Variants in ADCY9 observed in about 807,000 individuals in gnomAD.
ADCY9 encodes adenylate cyclase 9, also known as adenylate cyclase type 9.
In ADCY9, 50 loss-of-function variants were observed where a neutral mutation model predicts 101.5. That is an observed-to-expected ratio of 0.49 (90% CI 0.39 to 0.62). ADCY9 has a LOEUF of 0.62. ADCY9 is among the 20% of genes least tolerant of loss of function. The pLI, the probability that ADCY9 is intolerant of heterozygous loss-of-function variation, is 0.00. For missense variants in ADCY9, 1,662 were observed against 1,800.4 expected (o/e 0.92, Z 1.39); for synonymous variants, 905 against 769.3 (o/e 1.18, Z -2.92).
intron 5 of ADCY9, chr16:3,953,536 A>G (rs545524378): frequency 2.8e-4 from 43 of 152,282 alleles, no homozygotes; most frequent in African/African-American, 9.9e-4. Flanking sequence ...AGAAGATGGG[A>G]AAATGCGGAT....
chr16:4,035,006 A>C (rs901686018), intron 2 of ADCY9, among the ~76,000 whole-genome samples: 2 of 151,580 alleles, frequency 1.3e-5, no homozygotes, highest in African/African-American at 4.9e-5. Flanking sequence ...GTCACCGCCT[A>C]GTTTAAGTTT....
intron 2 of ADCY9, among the ~76,000 whole-genome samples, chr16:4,082,348 G>C (rs1290494567): frequency 1.3e-5 from 2 of 152,098 alleles, no homozygotes; most frequent in Admixed American, 6.6e-5. Context: ...CTGCACACCA[G>C]CCAGGGCAAC....
At chr16:4,097,549 A>ATTTTTTTTT (rs71394654) in intron 2 of ADCY9, among the ~76,000 whole-genome samples, 2 of 48,240 alleles carry the variant, frequency 4.1e-5, no homozygotes, top group Non-Finnish European at 7.3e-5. Context: ...ATATATATAT[A>ATTTTTTTTT]TATATTTTTT....
intron 2 of ADCY9, chr16:4,031,920 G>T (rs2056557835): frequency 6.6e-6 from 1 of 151,604 alleles, no homozygotes; most frequent in Non-Finnish European, 1.5e-5. Context: ...ATTAAAAGTT[G>T]GAGAAAAAAG....
intron 2 of ADCY9, among the ~76,000 whole-genome samples, chr16:4,044,847 C>T (rs748334800): frequency 5.3e-5 from 8 of 152,176 alleles, no homozygotes; most frequent in Non-Finnish European, 1.2e-4. Context: ...CTCTCCACCC[C>T]GCCTCTTTTG....
intron 5 of ADCY9, among the ~76,000 whole-genome samples, chr16:3,955,242 G>A (rs1377319475): frequency 2.0e-5 from 3 of 151,720 alleles, no homozygotes; most frequent in Admixed American, 6.6e-5. Flanking sequence ...AAAAGTAGTT[G>A]GACCAGGCGA....
chr16:3,954,888 C>G (rs2055899382), intron 5 of ADCY9, among the ~76,000 whole-genome samples: 1 of 152,164 alleles, frequency 6.6e-6, no homozygotes, highest in African/African-American at 2.4e-5. Flanking sequence ...GAGGTAGAGG[C>G]TGAGGGGGAC....
intron 2 of ADCY9, among the ~76,000 whole-genome samples, chr16:4,104,928 G>T (rs1397875152): frequency 6.6e-6 from 1 of 152,074 alleles, no homozygotes; most frequent in Non-Finnish European, 1.5e-5. Flanking sequence ...AATTAGCCGG[G>T]TGTGGTGGTG....
intron 2 of ADCY9, among the ~76,000 whole-genome samples, chr16:4,009,501 C>T (rs2056389341): frequency 6.6e-6 from 1 of 152,170 alleles, no homozygotes; most frequent in African/African-American, 2.4e-5. Flanking sequence ...AAGTGATCCG[C>T]CCATCTTGGC....
At chr16:3,956,192 A>C (rs901480585) in intron 5 of ADCY9, among the ~76,000 whole-genome samples, 1 of 152,114 alleles carries the variant, frequency 6.6e-6, no homozygotes, top group African/African-American at 2.4e-5. Context: ...GAGCAACTGC[A>C]CCCAGGCAAA....
At chr16:3,958,495 G>A (rs1439926759), downstream of ADCY9, among the ~76,000 whole-genome samples, 6 of 142,982 alleles carry the variant, frequency 4.2e-5, no homozygotes, top group African/African-American at 7.8e-5. Context: ...AGCCGAGATC[G>A]CGCCATTGCA....
chr16:4,113,131 T>G (rs2057124048), intron 2 of ADCY9, among the ~76,000 whole-genome samples: 1 of 150,942 alleles, frequency 6.6e-6, no homozygotes, highest in South Asian at 2.1e-4. Flanking sequence ...AAAATATCCT[T>G]AAACAAATGA....
At chr16:3,961,404 G>T (rs149266697), downstream of ADCY9, among the ~76,000 whole-genome samples, 3 of 151,620 alleles carry the variant, frequency 2.0e-5, no homozygotes, top group Non-Finnish European at 4.4e-5. Flanking sequence ...GAGCCCTGAT[G>T]GTCACTGCAC....
intron 2 of ADCY9, among the ~76,000 whole-genome samples, chr16:4,050,638 G>A (rs967511884): frequency 4.0e-5 from 6 of 148,486 alleles, no homozygotes; most frequent in East Asian, 2.0e-4. Context: ...TGCTTGAACC[G>A]GGAGGCAGAG....
chr16:3,955,606 C>T lies in ADCY9; in HGVS notation c.568-2090G>A, dbSNP rs558976883. ...TTGCCCAGGCTGGAGTGCAGTGGCG[C>T]GATCTCAGGGCTCACTGCAACCTCT... On this transcript the variant is annotated intron_variant, in intron 5 of 5. Transcript: ENST00000576936. 4.0e-5 allele frequency among the ~76,000 whole-genome samples: 6 copies of T among 149,046 alleles called. No individual in the cohort carries two copies. The East Asian group carries it at 8.2e-4, about 20-fold the overall frequency.
At position 4,004,251 on chromosome 16, in the gene ADCY9, TAAAA is replaced by T. The variant is rs71133681; in HGVS notation, c.1884+3113_1884+3116del. On this transcript the variant is annotated intron_variant, in intron 3 of 10. Coordinates refer to ENST00000294016, the MANE Select transcript of ADCY9 (RefSeq NM_001116.4). ...GCAACAGAGCGAGATCCCATCTCTT[TAAAA>T]AAAAAAAAAAAAAAAAAAGAAGCCA... 4.0e-4 allele frequency among the ~76,000 whole-genome samples: 43 copies of T among 107,686 alleles called. No homozygotes were observed. The Admixed American group carries it at 4.1e-3, about 10-fold the overall frequency. The allele number at this position is 107,686 out of a possible 152,430, so 70.6% of individuals were successfully genotyped here. A position where few individuals can be genotyped will look rare whatever the true frequency, so the allele number is the denominator to read the frequency against.
chr16:3,960,100 G>A (rs188657152), downstream of ADCY9, among the ~76,000 whole-genome samples: 18 of 152,268 alleles, frequency 1.2e-4, no homozygotes, highest in Middle Eastern at 3.4e-3. Context: ...GGTTTCCAGC[G>A]GAGAGTCCAG....
At chr16:4,011,034 A>G (rs1473183876) in intron 2 of ADCY9, among the ~76,000 whole-genome samples, 1 of 152,166 alleles carries the variant, frequency 6.6e-6, no homozygotes, top group Non-Finnish European at 1.5e-5. Context: ...TGTATAGATT[A>G]CCCAGCCTAT....
At chr16:4,103,963 G>A (rs931001720) in intron 2 of ADCY9, among the ~76,000 whole-genome samples, 1 of 152,176 alleles carries the variant, frequency 6.6e-6, no homozygotes, top group African/African-American at 2.4e-5. Flanking sequence ...CTACGACGAC[G>A]CTGCTGCCCA....
Sources: allele counts gnomAD v4.1 joint callset (sites outside exome capture counted in the v4.1 genomes callset), GRCh38; gene constraint gnomAD v4.1.1; transcripts MANE v1.5; gene names NCBI Gene and HGNC (gene_info 2026-07-23, HGNC 2026-07-21).